TRPC4: variants seen among roughly 807,000 people sequenced by gnomAD.
TRPC4 encodes transient receptor potential cation channel subfamily C member 4, also known as short transient receptor potential channel 4.
A neutral mutation model predicts 99.4 loss-of-function variants in TRPC4; 49 were observed. The observed-to-expected ratio is 0.49, with a 90% confidence interval of 0.39 to 0.63. TRPC4 has a LOEUF of 0.63. Ranked by LOEUF, TRPC4 falls within the 20% of genes least tolerant of loss-of-function variation. TRPC4 has a pLI of 0.00. For missense variants in TRPC4, 898 were observed against 1,152.9 expected, an observed-to-expected ratio of 0.78 and a Z score of 3.20; for synonymous variants, 454 against 425.9, an observed-to-expected ratio of 1.07 and a Z score of -0.81.
chr13:37,819,829 T>TAA lies in TRPC4; in HGVS notation c.-27-36471_-27-36470dup, dbSNP rs200418516. 3.6e-3 allele frequency among the ~76,000 whole-genome samples: 488 copies of TAA among 133,798 alleles called. 3 individuals carry two copies. The highest frequency in any genetic ancestry group is 0.012 in the African/African-American group (442 of 36,672). The allele number at this position is 133,798 out of a possible 152,430, so 87.8% of individuals were successfully genotyped here. On this transcript the variant is annotated intron_variant, in intron 1 of 10. Transcript: ENST00000379705. The stretch of plus-strand genomic sequence containing the variant: ...GTACCTCTGAACTTAAAATGAAAGT[T>TAA]AAAAAAAAAAACAAAAAAAGATGTC...
At chr13:37,862,916 T>C (rs1959477520) in intron 1 of TRPC4, among the ~76,000 whole-genome samples, 1 of 151,502 alleles carries the variant, frequency 6.6e-6, no homozygotes, top group Non-Finnish European at 1.5e-5. Context: ...ACTATATACA[T>C]GACGGTGGGC....
chr13:37,839,759 A>T (rs1322722551), intron 1 of TRPC4, among the ~76,000 whole-genome samples: 1 of 152,152 alleles, frequency 6.6e-6, no homozygotes, highest in African/African-American at 2.4e-5. Context: ...TGTAGCATCA[A>T]ATCTGAGGCT....
At chr13:37,726,115 G>A (rs1241576008) in intron 3 of TRPC4, among the ~76,000 whole-genome samples, 2 of 151,722 alleles carry the variant, frequency 1.3e-5, no homozygotes, top group African/African-American at 4.8e-5. Flanking sequence ...AGAATCACTT[G>A]AACCCAGGAG....
intron 1 of TRPC4, among the ~76,000 whole-genome samples, chr13:37,845,231 T>A (rs1958859270): frequency 6.6e-6 from 1 of 152,088 alleles, no homozygotes; most frequent in Admixed American, 6.6e-5. Flanking sequence ...GGCATTAATG[T>A]AAGTACATGA....
chr13:37,789,549 C>T (rs1188540711), intron 1 of TRPC4, among the ~76,000 whole-genome samples: 1 of 152,148 alleles, frequency 6.6e-6, no homozygotes, highest in East Asian at 1.9e-4. Context: ...AATGATTATA[C>T]TCTTAGAGTT....
chr13:37,747,728 A>T (rs570522072), intron 2 of TRPC4, among the ~76,000 whole-genome samples: 1 of 152,304 alleles, frequency 6.6e-6, no homozygotes, highest in South Asian at 2.1e-4. Context: ...TTTCATGAGA[A>T]ACACTAAAGA....
intron 1 of TRPC4, among the ~76,000 whole-genome samples, chr13:37,843,957 C>T (rs1206944426): frequency 6.6e-6 from 1 of 152,174 alleles, no homozygotes; most frequent in African/African-American, 2.4e-5. Context: ...ACCCCTCTCC[C>T]AAGCTGGCAC....
Position 37,814,724 on chromosome 13 carries a change from T to C in TRPC4, c.-27-31364A>G, listed in dbSNP as rs527608775. Among the ~76,000 whole-genome samples the C allele has an allele frequency of 5.9e-5, 9 of 151,916 alleles. No individual in the cohort carries two copies. The South Asian group carries it at 1.7e-3, about 28-fold the overall frequency. On this transcript the variant is annotated intron_variant, in intron 1 of 10. Coordinates refer to ENST00000379705, the MANE Select transcript of TRPC4 (RefSeq NM_016179.4). ...GGAATGGCATTTTGTATTCATGTAT[T>C]GGAAATCTTAATGTAAAAATGACAC...
At chr13:37,713,009 T>G (rs1954535732) in intron 3 of TRPC4, among the ~76,000 whole-genome samples, 1 of 152,182 alleles carries the variant, frequency 6.6e-6, no homozygotes, top group Non-Finnish European at 1.5e-5. Context: ...TAAGATTTGT[T>G]GTTCTTAGAA....
At position 37,691,998 on chromosome 13, in the gene TRPC4, C is replaced by T; in HGVS notation, c.1234+1G>A. On this transcript the variant is annotated splice_donor_variant, in intron 4 of 10. Transcript: ENST00000379705. LOFTEE classifies it high-confidence loss of function. Reference sequence around the variant, plus strand: ...TATATTTTCTATAGTAACACATTTACCCAGGACCCACGGTAATATCATCCA... The same window carrying T: ...TATATTTTCTATAGTAACACATTTATCCAGGACCCACGGTAATATCATCCA... 1 of 1,611,292 alleles carries T rather than the reference C, an allele frequency of 6.2e-7. No individual in the cohort carries two copies. Among genetic ancestry groups the T allele is most frequent in the South Asian group, 1.1e-5 (1 of 90,988 alleles).
intron 1 of TRPC4, among the ~76,000 whole-genome samples, chr13:37,811,302 A>G (rs937497926): frequency 1.3e-5 from 2 of 152,136 alleles, no homozygotes; most frequent in Non-Finnish European, 2.9e-5. Flanking sequence ...TTAAAATAAC[A>G]AAAACAACAA....
At chr13:37,797,657 G>T (rs750323970) in intron 1 of TRPC4, among the ~76,000 whole-genome samples, 9 of 152,090 alleles carry the variant, frequency 5.9e-5, no homozygotes, top group Non-Finnish European at 1.3e-4. Context: ...CATCAGTTAT[G>T]CAAATCAAAG....
chr13:37,817,949 G>A (rs1346071061), intron 1 of TRPC4, among the ~76,000 whole-genome samples: 2 of 151,876 alleles, frequency 1.3e-5, no homozygotes, highest in African/African-American at 2.4e-5. Flanking sequence ...GACAACCTAG[G>A]TAATACTATT....
intron 3 of TRPC4, among the ~76,000 whole-genome samples, chr13:37,706,733 G>A (rs1456066802): frequency 6.6e-6 from 1 of 151,772 alleles, no homozygotes; most frequent in Admixed American, 6.6e-5. Flanking sequence ...GCGGTGTTTG[G>A]TTTGTTTGTT....
rs1284433129 is a variant in TRPC4, at chr13:37,799,156, G to T, written c.-27-15796C>A. On this transcript the variant is annotated intron_variant, in intron 1 of 10. Coordinates refer to ENST00000379705, the MANE Select transcript of TRPC4 (RefSeq NM_016179.4). ...TCACTGTGCTAGCCAGGTTGGTCTC[G>T]ATCTCCTGACCTCATGATCCACCCA... 2.0e-5 allele frequency among the ~76,000 whole-genome samples: 3 copies of T among 151,838 alleles called. No individual in the cohort carries two copies. The East Asian group carries it at 5.8e-4, about 29-fold the overall frequency.
chr13:37,796,958 A>G (rs142139734), intron 1 of TRPC4, among the ~76,000 whole-genome samples: 3 of 116,220 alleles, frequency 2.6e-5, no homozygotes, highest in Non-Finnish European at 5.1e-5. Context: ...ATAAAATAAA[A>G]TAAAATAAAA....
intron 1 of TRPC4, among the ~76,000 whole-genome samples, chr13:37,845,271 C>A (rs1958860444): frequency 6.9e-6 from 1 of 144,776 alleles, no homozygotes; most frequent in Non-Finnish European, 1.5e-5. Context: ...AAATATGGCA[C>A]CACCAAAAGA....
intron 2 of TRPC4, among the ~76,000 whole-genome samples, chr13:37,765,478 G>A (rs1053060918): frequency 6.6e-6 from 1 of 151,248 alleles, no homozygotes; most frequent in Non-Finnish European, 1.5e-5. Flanking sequence ...TATTTGACAT[G>A]TATTTCTCCC....
rs1291972508 is a variant in TRPC4, at chr13:37,692,222, T to A, written c.1011A>T (p.Gly337=). The A allele has an allele frequency of 6.2e-7, 1 of 1,613,972 alleles. No homozygotes were observed. Among genetic ancestry groups the A allele is most frequent in the Non-Finnish European group, 8.5e-7 (1 of 1,179,990 alleles). Residue 337 remains glycine (G), a synonymous_variant, in exon 4 of 11, where the codon GGA becomes GGT. Transcript: ENST00000379705. ...ACACAGAGAAGACAGGAAAAAGAAG[T>A]CCTATTATGAAACATGTCACCATCT... ...AVKMVTCFII[G]LLFPVFSVCY... is the part of the protein sequence containing the mutation.
Sources: gnomAD v4.1 joint callset for allele counts (sites outside exome capture counted in the v4.1 genomes callset) on GRCh38, gnomAD v4.1.1 for gene constraint, MANE v1.5 for transcripts, NCBI Gene and HGNC (gene_info 2026-07-23, HGNC 2026-07-21) for gene names.